The following BICD1 variants were observed in gnomAD, a reference collection of about 807,000 sequenced individuals.
BICD1 encodes BICD cargo adaptor 1.
In BICD1, 35 loss-of-function variants were observed where a neutral mutation model predicts 92.5. That is an observed-to-expected ratio of 0.38 (90% CI 0.29 to 0.50). The LOEUF (loss-of-function observed/expected upper bound fraction) is 0.50. Among genes scored for constraint, BICD1 ranks in the 20% least tolerant of loss-of-function variants. The pLI is 0.93. For missense variants in BICD1, 950 were observed against 1,189.8 expected (o/e 0.80, Z 2.97); for synonymous variants, 429 against 465.1 (o/e 0.92, Z 1.00).
chr12:32,283,454 C>T (rs1005640210), intron 2 of BICD1, among the ~76,000 whole-genome samples: 19 of 151,848 alleles, frequency 1.3e-4, no homozygotes, highest in African/African-American at 3.9e-4. Context: ...GTCATTTCTC[C>T]AGTTCTCCTC....
chr12:32,241,321 A>T (rs530077078), intron 2 of BICD1, among the ~76,000 whole-genome samples: 1 of 152,318 alleles, frequency 6.6e-6, no homozygotes, highest in East Asian at 1.9e-4. Context: ...GCCTACCTTT[A>T]TTAGACTGTT....
chr12:32,302,968 C>G lies in BICD1; in HGVS notation c.580-2729C>G, dbSNP rs115474765. On this transcript the variant is annotated intron_variant, in intron 3 of 9. Transcript: ENST00000652176. ...TTTTCCCTCAAGACAGGGCCTCACT[C>G]TGCCACCCAGATTGGAGTGCAGTGA... Among the ~76,000 whole-genome samples the G allele has an allele frequency of 7.0e-3, 969 of 137,648 alleles. 14 individuals carry two copies. The highest frequency in any genetic ancestry group is 0.025 in the African/African-American group (913 of 36,494). The allele number at this position is 137,648 out of a possible 152,430, so 90.3% of individuals were successfully genotyped here. A position where few individuals can be genotyped will look rare whatever the true frequency, so the allele number is the denominator to read the frequency against.
chr12:32,146,833 C>CCCTCCCTTCCTT, intron 1 of BICD1, among the ~76,000 whole-genome samples: 1 of 127,632 alleles, frequency 7.8e-6, no homozygotes, highest in South Asian at 2.8e-4. Context: ...CTCCCTCCCT[C>CCCTCCCTTCCTT]CCTTCCTTCC....
intron 8 of BICD1, among the ~76,000 whole-genome samples, chr12:32,356,375 G>A (rs1939098782): frequency 6.6e-6 from 1 of 152,186 alleles, no homozygotes; most frequent in Non-Finnish European, 1.5e-5. Flanking sequence ...AAGAGGGCCA[G>A]GCGCGGTGGC....
Position 32,377,843 on chromosome 12 carries a change from T to G in BICD1, c.*216T>G, listed in dbSNP as rs1452539480. 2.1e-6 allele frequency: 1 copy of G among 473,646 alleles called. No homozygotes were observed. The highest frequency in any genetic ancestry group is 1.9e-5 in the African/African-American group (1 of 51,470). The allele number at this position is 473,646 out of a possible 1,614,324, so 29.3% of individuals were successfully genotyped here. A position where few individuals can be genotyped will look rare whatever the true frequency, so the allele number is the denominator to read the frequency against. ...TGGTTTCTCTGAGTCACAGATAAAC[T>G]TCTGCCATCAAATGGCTACAGTTCA... On this transcript the variant is annotated 3_prime_UTR_variant, in exon 10 of 10. Transcript: ENST00000652176.
At chr12:32,373,535 A>C (rs147413379) in intron 9 of BICD1, among the ~76,000 whole-genome samples, 160 of 152,330 alleles carry the variant, frequency 1.1e-3, no homozygotes, top group African/African-American at 3.8e-3. Flanking sequence ...CTATAGCTAC[A>C]CACTTCAGCT....
intron 6 of BICD1, among the ~76,000 whole-genome samples, chr12:32,335,628 T>TG (rs1362415511): frequency 6.7e-6 from 1 of 148,882 alleles, no homozygotes. Context: ...TCACCCAGGC[T>TG]GAAGTGCAGT....
chr12:32,298,077 G>A (rs1470831636), intron 3 of BICD1, among the ~76,000 whole-genome samples: 1 of 151,878 alleles, frequency 6.6e-6, no homozygotes, highest in African/African-American at 2.4e-5. Flanking sequence ...CAGCTACTTG[G>A]GAGGCTGAGA....
chr12:32,245,189 ACT>A (rs1946341268), intron 2 of BICD1, among the ~76,000 whole-genome samples: 1 of 151,784 alleles, frequency 6.6e-6, no homozygotes, highest in African/African-American at 2.4e-5. Flanking sequence ...GAATTATATA[ACT>A]CTATGTGCTT....
chr12:32,198,323 C>CATATATAT (rs765984931), intron 1 of BICD1, among the ~76,000 whole-genome samples: 1,821 of 87,802 alleles, frequency 0.021, 159 homozygotes, highest in African/African-American at 0.027. Flanking sequence ...GAATAATATG[C>CATATATAT]ATCTATCTAT....
chr12:32,285,413 A>G (rs189606033), intron 2 of BICD1, among the ~76,000 whole-genome samples: 1 of 152,254 alleles, frequency 6.6e-6, no homozygotes, highest in Admixed American at 6.5e-5. Flanking sequence ...GCTATTATTA[A>G]TATCTAATGT....
At chr12:32,219,452 A>G (rs1251755424) in intron 2 of BICD1, among the ~76,000 whole-genome samples, 3 of 152,226 alleles carry the variant, frequency 2.0e-5, no homozygotes, top group Non-Finnish European at 2.9e-5. Flanking sequence ...TATTAAATTC[A>G]TGATATTTGT....
intron 8 of BICD1, among the ~76,000 whole-genome samples, chr12:32,341,384 A>G (rs1270199054): frequency 1.3e-5 from 2 of 151,428 alleles, no homozygotes; most frequent in Non-Finnish European, 2.9e-5. Context: ...GGATCCCTTG[A>G]GACAGGGAGG....
chr12:32,371,352 A>G (rs981074652), intron 9 of BICD1, among the ~76,000 whole-genome samples: 2 of 152,082 alleles, frequency 1.3e-5, no homozygotes, highest in East Asian at 3.9e-4. Flanking sequence ...CTCTTTTCCC[A>G]CCCATACACA....
At position 32,336,600 on chromosome 12, in the gene BICD1, T is replaced by C. The variant is rs569961145; in HGVS notation, c.2253-899T>C. On this transcript the variant is annotated intron_variant, in intron 6 of 9. Transcript: ENST00000652176. ...ACGTATAAATATAGATAAGGAAATGTTTTCTTTATAAACATTATTATTTTG... is the reference window on the plus strand; with the variant it reads ...ACGTATAAATATAGATAAGGAAATGCTTTCTTTATAAACATTATTATTTTG... Among the ~76,000 whole-genome samples, 5 of 152,328 alleles carry C rather than the reference T, an allele frequency of 3.3e-5. No homozygotes were observed. The East Asian group carries it at 9.6e-4, about 29-fold the overall frequency.
At chr12:32,265,774 T>G (rs956687557) in intron 2 of BICD1, among the ~76,000 whole-genome samples, 1 of 151,842 alleles carries the variant, frequency 6.6e-6, no homozygotes, top group Non-Finnish European at 1.5e-5. Flanking sequence ...TTTTCTGTGT[T>G]GAAGAGCTTC....
chr12:32,198,330 C>CTATATA lies in BICD1; in HGVS notation c.214-17899_214-17894dup, dbSNP rs749446989. 5.1e-3 allele frequency among the ~76,000 whole-genome samples: 597 copies of CTATATA among 117,766 alleles called. 15 individuals carry two copies. The highest frequency in any genetic ancestry group is 0.017 in the African/African-American group (518 of 31,084). The allele number at this position is 117,766 out of a possible 152,430, so 77.3% of individuals were successfully genotyped here. Reference sequence around the variant, plus strand: ...GATTATGGGAATAATATGCATCTATCTATATATATATATATATATATATTC... The same window carrying CTATATA: ...GATTATGGGAATAATATGCATCTATCTATATATATATATATATATATATATATATTC... On this transcript the variant is annotated intron_variant, in intron 1 of 9. Transcript: ENST00000652176.
At chr12:32,329,733 C>T (rs138489264) in intron 5 of BICD1, among the ~76,000 whole-genome samples, 56 of 152,260 alleles carry the variant, frequency 3.7e-4, no homozygotes, top group African/African-American at 1.2e-3. Flanking sequence ...TGATCTTGTC[C>T]TTCTGGACAA....
chr12:32,346,564 A>G lies in BICD1; in HGVS notation c.2764+7585A>G, dbSNP rs1170273896. On this transcript the variant is annotated intron_variant, in intron 8 of 9. Transcript: ENST00000652176. ...TATATATATATATATATATATATAT[A>G]TATATATATATATATATACGTGTAT... Among the ~76,000 whole-genome samples, 24 of 42,866 alleles carry G rather than the reference A, an allele frequency of 5.6e-4. 3 individuals carry two copies. The highest frequency in any genetic ancestry group is 2.4e-3 in the South Asian group (2 of 824). The allele number at this position is 42,866 out of a possible 152,430, so 28.1% of individuals were successfully genotyped here. A position where few individuals can be genotyped will look rare whatever the true frequency, so the allele number is the denominator to read the frequency against.
Sources: allele counts gnomAD v4.1 joint callset (sites outside exome capture counted in the v4.1 genomes callset), GRCh38; gene constraint gnomAD v4.1.1; transcripts MANE v1.5; gene names NCBI Gene and HGNC (gene_info 2026-07-23, HGNC 2026-07-21).